Variants in FOXP1 observed in about 807,000 individuals in gnomAD.
FOXP1 encodes the protein forkhead box P1, also known as forkhead box protein P1.
Under a neutral mutation model 98.2 loss-of-function variants are expected in FOXP1, and 15 were observed. That is an observed-to-expected ratio of 0.15 (90% confidence interval 0.10 to 0.24). The LOEUF is 0.24. FOXP1 is among the 10% of genes least tolerant of loss of function. FOXP1 has a pLI of 1.00. For missense variants in FOXP1, 633 were observed against 848.5 expected, an observed-to-expected ratio of 0.75 and a Z score of 3.15; for synonymous variants, 371 against 314.5, an observed-to-expected ratio of 1.18 and a Z score of -1.90.
At chr3:71,536,091 CACA>C (rs897394412) in intron 2 of FOXP1, among the ~76,000 whole-genome samples, 5 of 152,122 alleles carry the variant, frequency 3.3e-5, no homozygotes, top group African/African-American at 1.2e-4. Flanking sequence ...ACAGTCAAAA[CACA>C]ACGAGACACA....
chr3:71,106,162 G>C (rs1427995330), intron 7 of FOXP1, among the ~76,000 whole-genome samples: 1 of 152,170 alleles, frequency 6.6e-6, no homozygotes, highest in South Asian at 2.1e-4. Flanking sequence ...CTATACTACA[G>C]AGTAGCTAAG....
chr3:71,548,536 C>T (rs1187151861), intron 2 of FOXP1, among the ~76,000 whole-genome samples: 1 of 151,990 alleles, frequency 6.6e-6, no homozygotes, highest in Non-Finnish European at 1.5e-5. Context: ...CTCCCAAGTA[C>T]TATAGGTGTG....
At chr3:71,413,129 C>CAA (rs968603109) in intron 3 of FOXP1, among the ~76,000 whole-genome samples, 1 of 147,842 alleles carries the variant, frequency 6.8e-6, no homozygotes, top group Non-Finnish European at 1.5e-5. Flanking sequence ...CACACACACA[C>CAA]GCACCCCCAA....
rs527528377 is a variant in FOXP1, at chr3:71,249,090, T to C, written c.-11-50698A>G. On this transcript the variant is annotated intron_variant, in intron 5 of 20. Transcript: ENST00000649528. Reference sequence around the variant, plus strand: ...CCAAAGTGAACATCCTAATTTAGCATTGGAGGAAAGAAAATAACTGAATGG... The same window carrying C: ...CCAAAGTGAACATCCTAATTTAGCACTGGAGGAAAGAAAATAACTGAATGG... Among the ~76,000 whole-genome samples the C allele has an allele frequency of 5.3e-5, 8 of 152,360 alleles. No individual in the cohort carries two copies. The South Asian group carries it at 8.3e-4, about 16-fold the overall frequency.
rs377705000 is a variant in FOXP1, at chr3:71,552,627, C to T, written c.-298+28922G>A. ...AAAAAGTTTTAAAGTCAAATAGGGA[C>T]TATGAAATATTTGATATTAAACATA... On this transcript the variant is annotated intron_variant, in intron 2 of 20. Transcript: ENST00000649528. Among the ~76,000 whole-genome samples the T allele has an allele frequency of 8.6e-5, 13 of 151,784 alleles. No individual in the cohort carries two copies. In the East Asian group the frequency reaches 1.9e-3, roughly 23 times the overall value.
chr3:71,403,310 C>T (rs973239407), intron 3 of FOXP1, among the ~76,000 whole-genome samples: 10 of 152,122 alleles, frequency 6.6e-5, no homozygotes, highest in Admixed American at 1.3e-4. Flanking sequence ...ACAAAAAGCT[C>T]GCCTGGATCT....
Position 71,256,877 on chromosome 3 carries a change from C to T in FOXP1, c.-12+42943G>A, listed in dbSNP as rs145408452. 4.4e-3 allele frequency among the ~76,000 whole-genome samples: 666 copies of T among 151,850 alleles called. 3 individuals carry two copies. Among genetic ancestry groups the T allele is most frequent in the African/African-American group, 0.015 (639 of 41,532 alleles). ...GGAGTACTGATTTTAGCAGTGGCTG[C>T]GACGAGCTGGGGAAGATACTGGCAC... On this transcript the variant is annotated intron_variant, in intron 5 of 20. Coordinates refer to ENST00000649528, the MANE Select transcript of FOXP1 (RefSeq NM_001349338.3).
At chr3:70,962,478 A>G (rs1485119778) in intron 20 of FOXP1, among the ~76,000 whole-genome samples, 1 of 152,218 alleles carries the variant, frequency 6.6e-6, no homozygotes, top group East Asian at 1.9e-4. Flanking sequence ...AGCAAGCATT[A>G]TTTGTGAAAA....
intron 7 of FOXP1, among the ~76,000 whole-genome samples, chr3:71,082,657 A>G (rs547328347): frequency 6.6e-6 from 1 of 152,110 alleles, no homozygotes; most frequent in Non-Finnish European, 1.5e-5. Flanking sequence ...ACAACAACAA[A>G]AAAAAAACAG....
chr3:71,074,291 A>G (rs1159312719), intron 7 of FOXP1, among the ~76,000 whole-genome samples: 3 of 152,090 alleles, frequency 2.0e-5, no homozygotes, highest in Admixed American at 2.0e-4. Context: ...GCAGTGGTGC[A>G]ATCTTGGCTC....
intron 3 of FOXP1, among the ~76,000 whole-genome samples, chr3:71,456,711 G>T (rs1176023400): frequency 6.6e-6 from 1 of 152,026 alleles, no homozygotes; most frequent in Non-Finnish European, 1.5e-5. Context: ...CTGAAATCTA[G>T]TAAGTGCCAA....
chr3:70,988,918 AGCTGT>A (rs2040182477), intron 13 of FOXP1, among the ~76,000 whole-genome samples: 1 of 152,194 alleles, frequency 6.6e-6, no homozygotes, highest in Non-Finnish European at 1.5e-5. Flanking sequence ...TCAAGAGAAC[AGCTGT>A]GGCATTTAGG....
intron 19 of FOXP1, among the ~76,000 whole-genome samples, chr3:70,968,071 C>T (rs1283758797): frequency 2.0e-5 from 3 of 152,116 alleles, no homozygotes; most frequent in African/African-American, 7.2e-5. Context: ...TAGGTCAAGG[C>T]CATTGCTGAT....
intron 3 of FOXP1, among the ~76,000 whole-genome samples, chr3:71,417,464 C>T (rs2083301562): frequency 6.6e-6 from 1 of 152,166 alleles, no homozygotes. Flanking sequence ...ACTATCTTCC[C>T]CAGCAGATGC....
intron 2 of FOXP1, among the ~76,000 whole-genome samples, chr3:71,541,686 TA>T (rs1008391493): frequency 1.6e-4 from 23 of 146,278 alleles, no homozygotes; most frequent in Admixed American, 2.7e-4. Flanking sequence ...CCGAGAGCAT[TA>T]AAAAAAAAAA....
chr3:71,019,011 C>T (rs958392427), intron 11 of FOXP1, among the ~76,000 whole-genome samples: 8 of 152,182 alleles, frequency 5.3e-5, no homozygotes, highest in African/African-American at 1.9e-4. Flanking sequence ...GGCTGGGACT[C>T]GCTTCTAGCT....
chr3:71,333,253 T>C (rs1308905293), intron 4 of FOXP1: 1 of 152,260 alleles, frequency 6.6e-6, no homozygotes, highest in Admixed American at 6.5e-5. Context: ...AGCCAAGTAG[T>C]AGAAAGTAAC....
intron 4 of FOXP1, among the ~76,000 whole-genome samples, chr3:71,302,281 T>TA (rs1445098309): frequency 6.6e-6 from 1 of 152,150 alleles, no homozygotes; most frequent in Non-Finnish European, 1.5e-5. Context: ...TTAGGGCTAG[T>TA]ACTGGGGCCC....
intron 2 of FOXP1, among the ~76,000 whole-genome samples, chr3:71,553,149 T>C (rs1284093481): frequency 6.6e-6 from 1 of 152,126 alleles, no homozygotes; most frequent in Non-Finnish European, 1.5e-5. Context: ...CCTGTTAGCA[T>C]ACCAAATTTC....
Sources: allele counts gnomAD v4.1 joint callset (sites outside exome capture counted in the v4.1 genomes callset), GRCh38; gene constraint gnomAD v4.1.1; transcripts MANE v1.5; gene names NCBI Gene and HGNC (gene_info 2026-07-23, HGNC 2026-07-21).